TACR3: variants seen among roughly 807,000 people sequenced by gnomAD.
TACR3 encodes the protein neuromedin-K receptor.
In TACR3, 34 loss-of-function variants were observed where a neutral mutation model predicts 35.0. That is an observed-to-expected ratio of 0.97 (90% CI 0.74 to 1.30). TACR3 has a LOEUF of 1.30. Ranked by LOEUF, TACR3 falls within the 50% of genes most tolerant of loss-of-function variation. The probability of loss-of-function intolerance (pLI) is 0.00; values close to 1 mark genes in which losing one functional copy is unlikely to be tolerated. For synonymous variants in TACR3, 233 were observed against 221.1 expected (o/e 1.05, Z -0.48); for missense variants, 558 against 591.7 (o/e 0.94, Z 0.59).
chr4:103,683,841 GGAGA>G (rs889631883), intron 1 of TACR3, among the ~76,000 whole-genome samples: 14 of 113,636 alleles, frequency 1.2e-4, no homozygotes, highest in Middle Eastern at 3.8e-3. Flanking sequence ...AGAGAGAGAA[GGAGA>G]GAGAGAGAGA....
intron 1 of TACR3, among the ~76,000 whole-genome samples, chr4:103,673,915 A>G (rs1578252280): frequency 1.3e-5 from 2 of 152,340 alleles, no homozygotes; most frequent in East Asian, 3.9e-4. Flanking sequence ...TGTAAGCTAG[A>G]TATACTTTTC....
intron 1 of TACR3, among the ~76,000 whole-genome samples, chr4:103,704,958 T>C (rs1037949219): frequency 6.6e-6 from 1 of 152,228 alleles, no homozygotes; most frequent in Non-Finnish European, 1.5e-5. Flanking sequence ...TATTCAAATA[T>C]GTAATTTTTT....
chr4:103,586,036 CTTTTAA>C lies in TACR3; in HGVS notation c.*3640_*3645del, dbSNP rs1723767170. The stretch of plus-strand genomic sequence containing the variant: ...TAGGAAAGTAGTAAGACTTCTTTTA[CTTTTAA>C]TATTAGTTTTAATGTTTTTAAAGAA... On this transcript the variant is annotated 3_prime_UTR_variant, in exon 5 of 5. Coordinates refer to ENST00000304883, the MANE Select transcript of TACR3 (RefSeq NM_001059.3). 6.6e-6 allele frequency: 1 copy of C among 151,872 alleles called. No individual in the cohort carries two copies. Among genetic ancestry groups the C allele is most frequent in the Non-Finnish European group, 1.5e-5 (1 of 67,952 alleles). 9.4% of individuals were successfully genotyped at this position (151,872 alleles called of 1,614,324 possible).
chr4:103,646,376 G>A (rs543873835), intron 3 of TACR3, among the ~76,000 whole-genome samples: 1 of 152,024 alleles, frequency 6.6e-6, no homozygotes, highest in East Asian at 1.9e-4. Context: ...AATGAAGGTG[G>A]ATCTGATATA....
chr4:103,602,407 G>A (rs1337671113), intron 3 of TACR3, among the ~76,000 whole-genome samples: 3 of 152,050 alleles, frequency 2.0e-5, no homozygotes, highest in Non-Finnish European at 4.4e-5. Context: ...TCTCCATCCA[G>A]CTGTGTTCCG....
intron 1 of TACR3, among the ~76,000 whole-genome samples, chr4:103,704,172 A>T (rs1440215067): frequency 1.3e-5 from 2 of 151,096 alleles, no homozygotes; most frequent in Non-Finnish European, 3.0e-5. Context: ...ATTTAGCAAC[A>T]TGTAGGGATG....
chr4:103,690,926 G>T (rs534082391), intron 1 of TACR3, among the ~76,000 whole-genome samples: 1 of 152,128 alleles, frequency 6.6e-6, no homozygotes, highest in East Asian at 1.9e-4. Context: ...ACACGCAATA[G>T]GTAGATACAA....
intron 3 of TACR3, among the ~76,000 whole-genome samples, chr4:103,650,350 A>G (rs996430665): frequency 2.0e-5 from 3 of 150,084 alleles, no homozygotes; most frequent in Non-Finnish European, 4.4e-5. Flanking sequence ...CTGGAGATAT[A>G]CCTAATGTAA....
At position 103,586,434 on chromosome 4, in the gene TACR3, T is replaced by C. The variant is rs1560795306; in HGVS notation, c.*3248A>G. 2 of 152,124 alleles carry C rather than the reference T, an allele frequency of 1.3e-5. No homozygotes were observed. The highest frequency in any genetic ancestry group is 2.9e-5 in the Non-Finnish European group (2 of 68,006). 9.4% of individuals were successfully genotyped at this position (152,124 alleles called of 1,614,324 possible). ...TGAGAAATGTTTGTAAGTCTCCTGC[T>C]TTTCTATTTGATGAAATAGTTTACC... On this transcript the variant is annotated 3_prime_UTR_variant, in exon 5 of 5. Coordinates refer to ENST00000304883, the MANE Select transcript of TACR3 (RefSeq NM_001059.3).
intron 3 of TACR3, among the ~76,000 whole-genome samples, chr4:103,609,527 T>C (rs1177408833): frequency 6.6e-6 from 1 of 152,138 alleles, no homozygotes; most frequent in Non-Finnish European, 1.5e-5. Flanking sequence ...GGTAGTGTGT[T>C]TCAATACATA....
chr4:103,701,500 A>G (rs1454933178), intron 1 of TACR3, among the ~76,000 whole-genome samples: 1 of 152,200 alleles, frequency 6.6e-6, no homozygotes, highest in Non-Finnish European at 1.5e-5. Context: ...ATTCAATGCC[A>G]TCCCCATCAA....
At chr4:103,593,894 A>G (rs982482412) in intron 3 of TACR3, among the ~76,000 whole-genome samples, 6 of 152,092 alleles carry the variant, frequency 3.9e-5, no homozygotes, top group African/African-American at 1.4e-4. Context: ...AAGAGCAAGG[A>G]TTTTCTGTTT....
intron 3 of TACR3, among the ~76,000 whole-genome samples, chr4:103,652,758 CTT>C: frequency 6.6e-6 from 1 of 151,700 alleles, no homozygotes; most frequent in Admixed American, 6.6e-5. Context: ...GTAGCCAATA[CTT>C]TTTTTTAATG....
At chr4:103,704,987 GT>G (rs1269561635) in intron 1 of TACR3, among the ~76,000 whole-genome samples, 2 of 152,030 alleles carry the variant, frequency 1.3e-5, no homozygotes, top group South Asian at 4.1e-4. Flanking sequence ...ATAAAATTTC[GT>G]TTTTGGATGC....
chr4:103,589,563 C>A lies in TACR3; in HGVS notation c.*119G>T. 1 of 1,137,488 alleles carries A rather than the reference C, an allele frequency of 8.8e-7. No individual in the cohort carries two copies. The allele number at this position is 1,137,488 out of a possible 1,614,324, so 70.5% of individuals were successfully genotyped here. A position where few individuals can be genotyped will look rare whatever the true frequency, so the allele number is the denominator to read the frequency against. ...ACCTTTCTCAATTTGACCATAGCTG[C>A]CTAAAAATTGCTTTCTGTTTCTAGA... is the stretch of plus-strand genomic sequence containing the variant. On this transcript the variant is annotated 3_prime_UTR_variant, in exon 5 of 5. Transcript: ENST00000304883.
intron 3 of TACR3, among the ~76,000 whole-genome samples, chr4:103,596,211 A>C (rs1724012817): frequency 6.6e-6 from 1 of 151,536 alleles, no homozygotes; most frequent in Admixed American, 6.6e-5. Flanking sequence ...CAATAAACAT[A>C]CGTGTGCATG....
chr4:103,611,479 T>A (rs144962197), intron 3 of TACR3, among the ~76,000 whole-genome samples: 1 of 152,286 alleles, frequency 6.6e-6, no homozygotes, highest in East Asian at 1.9e-4. Context: ...AAAAGTAAGG[T>A]ACACACAGTT....
chr4:103,606,384 G>C (rs1345316394), intron 3 of TACR3, among the ~76,000 whole-genome samples: 1 of 152,088 alleles, frequency 6.6e-6, no homozygotes, highest in Non-Finnish European at 1.5e-5. Flanking sequence ...AGTTGGATGG[G>C]GATGGCATTG....
Position 103,638,962 on chromosome 4 carries a change from G to A in TACR3, c.888+17232C>T, listed in dbSNP as rs185707149. 3.4e-4 allele frequency among the ~76,000 whole-genome samples: 51 copies of A among 152,066 alleles called. No homozygotes were observed. The East Asian group carries it at 4.1e-3, about 12-fold the overall frequency. Reference sequence around the variant, plus strand: ...ACTACAGGTGCTGGAGAGGATGTGGGGAAATAGGAACACTTTTACACTGTT... The same window carrying A: ...ACTACAGGTGCTGGAGAGGATGTGGAGAAATAGGAACACTTTTACACTGTT... On this transcript the variant is annotated intron_variant, in intron 3 of 4. Transcript: ENST00000304883.
Sources: allele counts gnomAD v4.1 joint callset (sites outside exome capture counted in the v4.1 genomes callset), GRCh38; gene constraint gnomAD v4.1.1; transcripts MANE v1.5; gene names NCBI Gene and HGNC (gene_info 2026-07-23, HGNC 2026-07-21).